POTEM: variants seen among roughly 807,000 people sequenced by gnomAD.
POTEM encodes the protein POTE ankyrin domain family member M, also known as putative POTE ankyrin domain family member M.
For missense variants in POTEM, 24 were observed against 343.0 expected, an observed-to-expected ratio of 0.07 and a Z score of 7.35; for synonymous variants, 8 against 113.2, an observed-to-expected ratio of 0.07 and a Z score of 5.90.
intron 1 of POTEM, among the ~76,000 whole-genome samples, chr14:18,969,357 G>GTGTGTGTATA (rs1284654181): frequency 9.5e-6 from 1 of 105,368 alleles, no homozygotes; most frequent in African/African-American, 4.3e-5. Flanking sequence ...ATATACATGT[G>GTGTGTGTATA]TATATATATA....
At chr14:18,969,372 TATATATACAC>T (rs1890856015) in intron 1 of POTEM, among the ~76,000 whole-genome samples, 2 of 132,744 alleles carry the variant, frequency 1.5e-5, no homozygotes, top group Admixed American at 7.1e-5. Flanking sequence ...TATATATATA[TATATATACAC>T]AAAATTTCTT....
rs1430111297 is a variant in POTEM, at chr14:18,967,732, T to A, written c.247T>A (p.Ser83Thr). Reference protein sequence around the residue: ...RGSGKSNVGTSGDHDDSAMKT... With the variant: ...RGSGKSNVGTTGDHDDSAMKT... ...GAGCGGCAAGAGCAACGTGGGCACT[T>A]CTGGAGACCACGACGACTCTGCTAT... is the stretch of plus-strand genomic sequence containing the variant. The change falls in exon 1 of 11, where the codon TCT becomes ACT. Residue 83 changes from serine to threonine, a missense_variant. By Grantham distance (58) the Ser-to-Thr change is moderately conservative. Transcript: ENST00000547889. 2 of 1,610,780 alleles carry A rather than the reference T, an allele frequency of 1.2e-6. No individual in the cohort carries two copies. Among genetic ancestry groups the A allele is most frequent in the East Asian group, 2.2e-5 (1 of 44,642 alleles).
chr14:18,975,044 T>G (rs1890932484), intron 3 of POTEM: 1 of 356,544 alleles, frequency 2.8e-6, no homozygotes, highest in African/African-American at 2.5e-5. Flanking sequence ...TGGCCTAGTC[T>G]GACTTTTATC....
chr14:18,996,407 C>T (rs1285601601), intron 9 of POTEM, among the ~76,000 whole-genome samples: 2 of 138,062 alleles, frequency 1.4e-5, no homozygotes, highest in African/African-American at 5.8e-5. Flanking sequence ...AGACCAGTAC[C>T]AGTCCCTGGC....
intron 6 of POTEM, among the ~76,000 whole-genome samples, chr14:18,983,328 G>A (rs1891128557): frequency 1.4e-5 from 1 of 71,752 alleles, no homozygotes; most frequent in East Asian, 3.0e-4. Flanking sequence ...AATAGATAAA[G>A]ATGAATATCG....
rs1422605435 is a variant in POTEM, at chr14:19,000,582, TA to T, written c.*1925del. On this transcript the variant is annotated 3_prime_UTR_variant, in exon 11 of 11. Coordinates refer to ENST00000547889, the MANE Select transcript of POTEM (RefSeq NM_001145442.1). Reference sequence around the variant, plus strand: ...GAGAGTTGGAAAAAAGTGCACACCTTAAAAAAAATTCAATGAGGAAGCATTA... The same window carrying T: ...GAGAGTTGGAAAAAAGTGCACACCTTAAAAAAATTCAATGAGGAAGCATTA... Among the ~76,000 whole-genome samples, 1 of 84,478 alleles carries T rather than the reference TA, an allele frequency of 1.2e-5. No homozygotes were observed. Among genetic ancestry groups the T allele is most frequent in the Admixed American group, 1.3e-4 (1 of 7,904 alleles). The allele number at this position is 84,478 out of a possible 152,430, so 55.4% of individuals were successfully genotyped here. A position where few individuals can be genotyped will look rare whatever the true frequency, so the allele number is the denominator to read the frequency against.
In POTEM at chr14:18,999,480, G is replaced by A. The variant is rs1425813902; in HGVS notation, c.*815G>A. Among the ~76,000 whole-genome samples the A allele has an allele frequency of 2.8e-5, 3 of 107,966 alleles. 1 individual carries two copies. Among genetic ancestry groups the A allele is most frequent in the South Asian group, 2.7e-4 (1 of 3,650 alleles). The allele number at this position is 107,966 out of a possible 152,430, so 70.8% of individuals were successfully genotyped here. A position where few individuals can be genotyped will look rare whatever the true frequency, so the allele number is the denominator to read the frequency against. On this transcript the variant is annotated 3_prime_UTR_variant, in exon 11 of 11. Coordinates refer to ENST00000547889, the MANE Select transcript of POTEM (RefSeq NM_001145442.1). ...TGGCTATAGTTTCACCACCATGGCC[G>A]AGCAGGAAATCGTGCGTGACATCAC...
Position 18,985,903 on chromosome 14 carries a change from CAAAAAAA to C in POTEM, c.1197+442_1197+448del, listed in dbSNP as rs1162516671. ...TGGGTGACAGAGCAAGACTCTGTGT[CAAAAAAA>C]AAAAAAAAAAAAAAAAAAATATTTT... On this transcript the variant is annotated intron_variant, in intron 7 of 10. Coordinates refer to ENST00000547889, the MANE Select transcript of POTEM (RefSeq NM_001145442.1). 2.6e-3 allele frequency among the ~76,000 whole-genome samples: 179 copies of C among 68,870 alleles called. No individual in the cohort carries two copies. In the East Asian group the frequency reaches 0.04, roughly 15 times the overall value. 45.2% of individuals were successfully genotyped at this position (68,870 alleles called of 152,430 possible).
intron 1 of POTEM, among the ~76,000 whole-genome samples, chr14:18,969,349 ATACAT>A (rs1890851792): frequency 3.9e-5 from 4 of 101,990 alleles, no homozygotes; most frequent in Admixed American, 2.6e-4. Flanking sequence ...ATACATATAT[ATACAT>A]GTGTATATAT....
intron 1 of POTEM, among the ~76,000 whole-genome samples, chr14:18,968,893 A>T (rs1890830315): frequency 6.8e-6 from 1 of 148,096 alleles, no homozygotes; most frequent in African/African-American, 2.5e-5. Context: ...TAGCAGTTTT[A>T]GAGTTTTTAA....
chr14:18,999,418 AACTG>A lies in POTEM; in HGVS notation c.*761_*764del, dbSNP rs1218155830. 2.6e-4 allele frequency among the ~76,000 whole-genome samples: 35 copies of A among 133,262 alleles called. No homozygotes were observed. Among genetic ancestry groups the A allele is most frequent in the Admixed American group, 1.0e-3 (13 of 12,918 alleles). The allele number at this position is 133,262 out of a possible 152,430, so 87.4% of individuals were successfully genotyped here. On this transcript the variant is annotated 3_prime_UTR_variant, in exon 11 of 11. Transcript: ENST00000547889. ...CTGCGCCTAGACCTGGCTGGCCGGG[AACTG>A]ACTGACTACCTCATGAAGATCCTCA...
intron 1 of POTEM, among the ~76,000 whole-genome samples, chr14:18,969,317 GTATATATATATATATA>G (rs1890846799): frequency 1.2e-5 from 1 of 84,726 alleles, no homozygotes; most frequent in African/African-American, 5.0e-5. Context: ...GTATATATAT[GTATATATATATATATA>G]CGTATATACA....
chr14:18,969,422 G>A (rs1407235480), intron 1 of POTEM, among the ~76,000 whole-genome samples: 1 of 101,960 alleles, frequency 9.8e-6, no homozygotes, highest in South Asian at 3.4e-4. Context: ...TCACTCTGTT[G>A]CCCAGGCTGG....
intron 7 of POTEM, among the ~76,000 whole-genome samples, chr14:18,986,294 A>G (rs1891181413): frequency 7.1e-6 from 1 of 141,054 alleles, no homozygotes; most frequent in African/African-American, 2.8e-5. Context: ...CCAGTGATTG[A>G]AAATCTGCAG....
intron 3 of POTEM, among the ~76,000 whole-genome samples, chr14:18,975,321 G>GT (rs1352006308): frequency 4.3e-5 from 3 of 69,362 alleles, no homozygotes; most frequent in South Asian, 1.1e-3. Context: ...ATTCTAAACT[G>GT]TTTTTTATCA....
intron 7 of POTEM, among the ~76,000 whole-genome samples, chr14:18,985,801 A>T (rs1444623180): frequency 1.0e-3 from 143 of 143,112 alleles, no homozygotes; most frequent in African/African-American, 3.7e-3. Context: ...GCTACTCAGG[A>T]GGCTGAGGCA....
At chr14:18,975,160 C>A (rs1225312031) in intron 3 of POTEM, 1 of 200,944 alleles carries the variant, frequency 5.0e-6, no homozygotes, top group Non-Finnish European at 9.3e-6. Context: ...TATTCACTGC[C>A]ATTCAGAAGG....
At chr14:18,996,180 A>G (rs560773765) in intron 9 of POTEM, among the ~76,000 whole-genome samples, 173 of 151,650 alleles carry the variant, frequency 1.1e-3, no homozygotes, top group African/African-American at 4.2e-3. Flanking sequence ...GCATGAAATA[A>G]AAGTAAAATG....
Position 19,002,831 on chromosome 14 carries a change from T to C in POTEM, c.*4166T>C, listed in dbSNP as rs1218874736. Among the ~76,000 whole-genome samples the C allele has an allele frequency of 2.0e-5, 3 of 152,350 alleles. No individual in the cohort carries two copies. The highest frequency in any genetic ancestry group is 7.2e-5 in the African/African-American group (3 of 41,536). On this transcript the variant is annotated 3_prime_UTR_variant, in exon 11 of 11. Coordinates refer to ENST00000547889, the MANE Select transcript of POTEM (RefSeq NM_001145442.1). ...CCTACATCACTTTGCTGTGTGTGTT[T>C]ACACAGGTGGATTTTGCTTTACTTG... is the stretch of plus-strand genomic sequence containing the variant.
Sources: gnomAD v4.1 joint callset for allele counts (sites outside exome capture counted in the v4.1 genomes callset) on GRCh38, gnomAD v4.1.1 for gene constraint, MANE v1.5 for transcripts, NCBI Gene and HGNC (gene_info 2026-07-23, HGNC 2026-07-21) for gene names.